The following ZNF521 variants were observed in gnomAD, a reference collection of about 807,000 sequenced individuals.
ZNF521 encodes zinc finger protein 521.
ZNF521 carries 14 observed loss-of-function variants against 105.5 expected under a neutral mutation model. The observed-to-expected ratio is 0.13, with a 90% CI of 0.09 to 0.21. The LOEUF (loss-of-function observed/expected upper bound fraction) is 0.21. Among genes scored for constraint, ZNF521 ranks in the 10% least tolerant of loss-of-function variants. The pLI is 1.00. For missense variants in ZNF521, 1,233 were observed against 1,629.7 expected (o/e 0.76, Z 4.19); for synonymous variants, 635 against 606.0 (o/e 1.05, Z -0.70).
chr18:25,087,612 C>G (rs1178198564), intron 7 of ZNF521, among the ~76,000 whole-genome samples: 1 of 152,148 alleles, frequency 6.6e-6, no homozygotes, highest in African/African-American at 2.4e-5. Context: ...TGGCCATATC[C>G]TTTATAGATT....
chr18:25,095,344 T>A (rs866744927), intron 5 of ZNF521, among the ~76,000 whole-genome samples: 15 of 152,224 alleles, frequency 9.9e-5, no homozygotes, highest in Middle Eastern at 6.8e-3. Flanking sequence ...CCAATTCTGC[T>A]CTCTGGAAAG....
chr18:25,158,070 G>C (rs1369573200), intron 5 of ZNF521, among the ~76,000 whole-genome samples: 1 of 151,936 alleles, frequency 6.6e-6, no homozygotes, highest in Non-Finnish European at 1.5e-5. Context: ...ACCTTTTAGT[G>C]CTTAGTTTTC....
At position 25,225,955 on chromosome 18, in the gene ZNF521, T is replaced by C. The variant is rs766774069; in HGVS notation, c.1963A>G (p.Thr655Ala). The change falls in exon 4 of 8, where the codon ACT (threonine) becomes GCT (alanine). Residue 655 changes from threonine to alanine, a missense_variant. Physicochemically the swap from Thr to Ala is moderately conservative, Grantham distance 58 (BLOSUM62 0). Around this residue, in one of 6 missense-constraint regions of ZNF521, gnomAD observed 614 missense variants for 751.5 expected, o/e 0.82. Transcript: ENST00000361524. The surrounding 1 kb of genome is among the most constrained non-coding windows in gnomAD (Gnocchi z 5.6). Reference protein sequence around the residue: ...SLDSFQTHLKTHLDTVLPKLT... With the variant: ...SLDSFQTHLKAHLDTVLPKLT... ...TTTGGAAGCACAGTGTCGAGATGAG[T>C]TTTTAGGTGAGTCTGAAAGCTGTCT... is the stretch of plus-strand genomic sequence containing the variant. The C allele has an allele frequency of 1.2e-6, 2 of 1,613,930 alleles. No individual in the cohort carries two copies. Among genetic ancestry groups the C allele is most frequent in the Non-Finnish European group, 1.7e-6 (2 of 1,179,966 alleles).
chr18:25,141,133 G>A (rs1227541254), intron 5 of ZNF521, among the ~76,000 whole-genome samples: 3 of 152,134 alleles, frequency 2.0e-5, no homozygotes, highest in Non-Finnish European at 2.9e-5. Context: ...GCAACTCAAT[G>A]GGTTCCAGCT....
At chr18:25,216,128 A>G (rs1435014953) in intron 4 of ZNF521, among the ~76,000 whole-genome samples, 1 of 152,256 alleles carries the variant, frequency 6.6e-6, no homozygotes, top group African/African-American at 2.4e-5. Flanking sequence ...AATATTTTTT[A>G]ATCAACCTGT....
intron 3 of ZNF521, among the ~76,000 whole-genome samples, chr18:25,260,689 T>C (rs1371835874): frequency 6.6e-6 from 1 of 152,206 alleles, no homozygotes; most frequent in Non-Finnish European, 1.5e-5. Context: ...GTGGATTTCC[T>C]ACTATTATAA....
intron 4 of ZNF521, among the ~76,000 whole-genome samples, chr18:25,203,401 G>T (rs2036025317): frequency 6.6e-6 from 1 of 152,160 alleles, no homozygotes; most frequent in African/African-American, 2.4e-5. Context: ...AGGATCACTT[G>T]AATCCAGGAG....
At chr18:25,273,795 G>T (rs535075353) in intron 3 of ZNF521, among the ~76,000 whole-genome samples, 352 of 152,226 alleles carry the variant, frequency 2.3e-3, no homozygotes, top group Non-Finnish European at 3.0e-3. Context: ...CCACAATGTT[G>T]CATCTTGTAC....
chr18:25,220,984 T>TC (rs1905685531), intron 4 of ZNF521, among the ~76,000 whole-genome samples: 2 of 152,200 alleles, frequency 1.3e-5, no homozygotes, highest in African/African-American at 4.8e-5. Flanking sequence ...GTTCTTCCTG[T>TC]CCCCAGTTAA....
intron 3 of ZNF521, among the ~76,000 whole-genome samples, chr18:25,295,943 C>T (rs1911298882): frequency 6.6e-6 from 1 of 152,218 alleles, no homozygotes; most frequent in African/African-American, 2.4e-5. Flanking sequence ...CACATCGTGG[C>T]AACACTTACA....
intron 7 of ZNF521, among the ~76,000 whole-genome samples, chr18:25,067,021 G>C (rs995858163): frequency 6.6e-6 from 1 of 152,116 alleles, no homozygotes; most frequent in African/African-American, 2.4e-5. Context: ...GGAGGTGGGG[G>C]GTGAAGACAG....
At chr18:25,300,114 G>C (rs967625580) in intron 3 of ZNF521, among the ~76,000 whole-genome samples, 4 of 152,112 alleles carry the variant, frequency 2.6e-5, no homozygotes, top group African/African-American at 9.7e-5. Context: ...CCCATGCTGT[G>C]AAAGCCAGAC....
chr18:25,301,368 A>T (rs1256076683), intron 3 of ZNF521, among the ~76,000 whole-genome samples: 1 of 152,230 alleles, frequency 6.6e-6, no homozygotes, highest in African/African-American at 2.4e-5. Flanking sequence ...ACTTGATCAC[A>T]GTGCTTGCCT....
intron 2 of ZNF521, among the ~76,000 whole-genome samples, chr18:25,350,587 AT>A (rs1057501230): frequency 4.1e-4 from 60 of 146,900 alleles, no homozygotes; most frequent in African/African-American, 1.2e-3. Context: ...CAGACGGGAT[AT>A]TTTTTTTTCC....
intron 5 of ZNF521, among the ~76,000 whole-genome samples, chr18:25,153,736 A>G (rs1444164488): frequency 6.6e-6 from 1 of 152,228 alleles, no homozygotes; most frequent in African/African-American, 2.4e-5. Context: ...TGGATCGTCT[A>G]ACACTTCAAA....
At chr18:25,349,761 C>A (rs912196771) in intron 2 of ZNF521, among the ~76,000 whole-genome samples, 3 of 150,702 alleles carry the variant, frequency 2.0e-5, no homozygotes, top group Admixed American at 1.3e-4. Flanking sequence ...GGGGCCGGGC[C>A]GCGCGGACCT....
intron 3 of ZNF521, 59 bp downstream of exon 3, chr18:25,321,949 C>T (rs1912951972): frequency 6.7e-7 from 1 of 1,489,230 alleles, no homozygotes; most frequent in African/African-American, 1.4e-5. Flanking sequence ...AAGGAACAAA[C>T]TGAAAAAATC....
At chr18:25,243,724 A>G (rs145771577) in intron 3 of ZNF521, among the ~76,000 whole-genome samples, 325 of 152,328 alleles carry the variant, frequency 2.1e-3, no homozygotes, top group African/African-American at 7.5e-3. Context: ...TAATACTGTT[A>G]CTATATGGCA....
chr18:25,247,822 A>G (rs1321172514), intron 3 of ZNF521, among the ~76,000 whole-genome samples: 2 of 152,244 alleles, frequency 1.3e-5, no homozygotes, highest in East Asian at 3.9e-4. Flanking sequence ...TGGTCCAGTG[A>G]GAGGCAAAAA....
Sources: allele counts gnomAD v4.1 joint callset (sites outside exome capture counted in the v4.1 genomes callset), GRCh38; gene constraint gnomAD v4.1.1; regional missense constraint gnomAD v4.1.1; non-coding constraint Gnocchi (gnomAD v3.1); transcripts MANE v1.5; gene names NCBI Gene and HGNC (gene_info 2026-07-23, HGNC 2026-07-21).